Variants in HELZ observed in about 807,000 individuals in gnomAD.
HELZ encodes the protein helicase with zinc finger, also known as ATP-dependent RNA helicase with zinc finger domain.
A neutral mutation model predicts 218.2 loss-of-function variants in HELZ; 23 were observed. The observed-to-expected ratio is 0.11, with a 90% CI of 0.08 to 0.15. The LOEUF (loss-of-function observed/expected upper bound fraction) is 0.15. Ranked by LOEUF, HELZ falls within the 10% of genes least tolerant of loss-of-function variation. The probability of loss-of-function intolerance (pLI) is 1.00; values close to 1 mark genes in which losing one functional copy is unlikely to be tolerated. For missense variants in HELZ, 1,813 were observed against 2,353.7 expected (o/e 0.77, Z 4.75); for synonymous variants, 814 against 829.4 (o/e 0.98, Z 0.32).
At chr17:67,082,411 C>T (rs1312080655) in intron 32 of HELZ, among the ~76,000 whole-genome samples, 1 of 152,180 alleles carries the variant, frequency 6.6e-6, no homozygotes, top group African/African-American at 2.4e-5. Flanking sequence ...ACTTCACACT[C>T]CATATGACAA....
intron 13 of HELZ, among the ~76,000 whole-genome samples, chr17:67,171,063 C>G (rs2039296776): frequency 6.7e-6 from 1 of 149,700 alleles, no homozygotes. Flanking sequence ...ACTATACAGT[C>G]AATGTCTTCT....
At chr17:67,089,110 T>C (rs1285748286) in intron 31 of HELZ, among the ~76,000 whole-genome samples, 1 of 152,194 alleles carries the variant, frequency 6.6e-6, no homozygotes, top group African/African-American at 2.4e-5. Flanking sequence ...AAAGTTTTCA[T>C]ATGTGAATAC....
At chr17:67,162,145 G>A (rs1293303525) in intron 15 of HELZ, among the ~76,000 whole-genome samples, 1 of 152,112 alleles carries the variant, frequency 6.6e-6, no homozygotes, top group Non-Finnish European at 1.5e-5. Context: ...GCCAGGCATG[G>A]TGGCTCATGC....
At chr17:67,139,018 G>A (rs1235780537) in intron 21 of HELZ, among the ~76,000 whole-genome samples, 4 of 152,056 alleles carry the variant, frequency 2.6e-5, no homozygotes, top group South Asian at 2.1e-4. Context: ...GAGTCCAGGG[G>A]CATACAGAGG....
chr17:67,233,396 C>G (rs1472797759), intron 3 of HELZ, among the ~76,000 whole-genome samples: 2 of 152,102 alleles, frequency 1.3e-5, no homozygotes, highest in Non-Finnish European at 2.9e-5. Flanking sequence ...ATAAAGTCCT[C>G]ACTCCCCAAC....
chr17:67,225,052 T>C, intron 3 of HELZ: 1 of 616,426 alleles, frequency 1.6e-6, no homozygotes, highest in Non-Finnish European at 3.0e-6. Context: ...GTGTCATCTT[T>C]TATTATGAAG....
intron 21 of HELZ, 102 bp from the exon 22 acceptor site, chr17:67,138,216 G>C: frequency 1.2e-6 from 1 of 846,282 alleles, no homozygotes; most frequent in Non-Finnish European, 1.6e-6. Flanking sequence ...CATTTTAGCA[G>C]ATGTCATTTA....
chr17:67,133,499 A>C (rs1174506068), intron 23 of HELZ, among the ~76,000 whole-genome samples: 2 of 152,148 alleles, frequency 1.3e-5, no homozygotes, highest in Non-Finnish European at 2.9e-5. Context: ...GAGAGCCCAA[A>C]ACTAATGTGG....
chr17:67,201,497 TGAAAAG>T (rs1320750131), intron 6 of HELZ, among the ~76,000 whole-genome samples: 1 of 152,126 alleles, frequency 6.6e-6, no homozygotes, highest in Non-Finnish European at 1.5e-5. Flanking sequence ...ACAGCATAAA[TGAAAAG>T]GAAAACAACC....
At position 67,190,339 on chromosome 17, in the gene HELZ, T is replaced by C. The variant is rs1314251354; in HGVS notation, c.574A>G (p.Ile192Val). ...TLCKRFLEQG[I>V]CRYGAQCTSA... ...GTACACTGGGCACCATACCTACAGA[T>C]TCCTTGTTCTAAAAATCTAAGTAGA... Residue 192 changes from isoleucine to valine, a missense_variant, in exon 10 of 33, where the codon ATC (isoleucine) becomes GTC (valine). By Grantham distance (29) the Ile-to-Val change is conservative. This residue lies in a region of HELZ where 714 missense variants were observed against 1,029.2 expected (regional missense o/e 0.69). Coordinates refer to ENST00000358691, the MANE Select transcript of HELZ (RefSeq NM_014877.4). 6.2e-7 allele frequency: 1 copy of C among 1,612,710 alleles called. No homozygotes were observed. Among genetic ancestry groups the C allele is most frequent in the Non-Finnish European group, 8.5e-7 (1 of 1,178,804 alleles).
intron 26 of HELZ, among the ~76,000 whole-genome samples, chr17:67,120,949 T>C (rs775663291): frequency 3.0e-4 from 46 of 152,228 alleles, no homozygotes; most frequent in Middle Eastern, 3.2e-3. Context: ...TATGAATGTA[T>C]ACATGTCAGA....
At position 67,160,906 on chromosome 17, in the gene HELZ, T is replaced by C. The variant is rs1195947082; in HGVS notation, c.2066A>G (p.Gln689Arg). The C allele has an allele frequency of 1.2e-6, 2 of 1,602,758 alleles. No individual in the cohort carries two copies. Among genetic ancestry groups the C allele is most frequent in the Non-Finnish European group, 1.7e-6 (2 of 1,174,268 alleles). ...AQAVKHILQQQETRILICTHS... is the reference protein window; with the variant it reads ...AQAVKHILQQRETRILICTHS... ...CTTCCCACCCTCTCACCTAGTCTCC[T>C]GTTGCTGCAGAATATGTTTGACAGC... The change falls in exon 16 of 33, where the codon CAG becomes CGG. Residue 689 changes from glutamine to arginine, a missense_variant. Gln to Arg is a conservative substitution (Grantham distance 43). Transcript: ENST00000358691.
At chr17:67,193,844 T>C in intron 9 of HELZ, 123 bp downstream of exon 9, 1 of 687,238 alleles carries the variant, frequency 1.5e-6, no homozygotes, top group Non-Finnish European at 2.5e-6. Context: ...TACTTAATGA[T>C]AATGACCTTT....
In HELZ at chr17:67,161,612, T is replaced by A. The variant is rs549981569; in HGVS notation, c.1896-536A>T. 2.0e-5 allele frequency among the ~76,000 whole-genome samples: 3 copies of A among 152,336 alleles called. No individual in the cohort carries two copies. The South Asian group carries it at 6.2e-4, about 32-fold the overall frequency. On this transcript the variant is annotated intron_variant, in intron 15 of 32. Coordinates refer to ENST00000358691, the MANE Select transcript of HELZ (RefSeq NM_014877.4). ...TAAGAGATCCTAATTTTTACAAAGA[T>A]CTTAATGTAGAAAATATTAAGTTTT...
At chr17:67,119,615 A>G (rs756080546) in intron 27 of HELZ, among the ~76,000 whole-genome samples, 1 of 152,230 alleles carries the variant, frequency 6.6e-6, no homozygotes, top group South Asian at 2.1e-4. Flanking sequence ...TTTACTGTAT[A>G]TAACTCATAC....
chr17:67,135,845 C>T (rs1179327600), intron 23 of HELZ, 125 bp downstream of exon 23: 1 of 700,290 alleles, frequency 1.4e-6, no homozygotes, highest in Non-Finnish European at 2.4e-6. Flanking sequence ...TGTGTTCCCA[C>T]TGGATATCAG....
chr17:67,133,364 T>G (rs1431743762), intron 23 of HELZ, among the ~76,000 whole-genome samples: 1 of 152,166 alleles, frequency 6.6e-6, no homozygotes, highest in Non-Finnish European at 1.5e-5. Flanking sequence ...ATGATTTCTG[T>G]CAAGACAATG....
intron 15 of HELZ, among the ~76,000 whole-genome samples, chr17:67,163,510 T>C (rs2039049870): frequency 6.6e-6 from 1 of 152,064 alleles, no homozygotes; most frequent in Admixed American, 6.5e-5. Context: ...GCCATTCTCC[T>C]GCCTCAGCCT....
chr17:67,143,561 A>T (rs2038400287), intron 21 of HELZ, among the ~76,000 whole-genome samples: 1 of 152,072 alleles, frequency 6.6e-6, no homozygotes. Flanking sequence ...GGCTGCAGTG[A>T]TCACACTACT....
Sources: allele counts gnomAD v4.1 joint callset (sites outside exome capture counted in the v4.1 genomes callset), GRCh38; gene constraint gnomAD v4.1.1; regional missense constraint gnomAD v4.1.1; transcripts MANE v1.5; gene names NCBI Gene and HGNC (gene_info 2026-07-23, HGNC 2026-07-21).